The following CCDC60 variants were observed in gnomAD, a reference collection of about 807,000 sequenced individuals.
CCDC60 encodes the protein coiled-coil domain-containing protein 60.
CCDC60 carries 54 observed loss-of-function variants against 63.5 expected under a neutral mutation model. The observed-to-expected ratio is 0.85, with a 90% CI of 0.68 to 1.07. The LOEUF is 1.07. Ranked by LOEUF, CCDC60 falls within the 50% of genes least tolerant of loss-of-function variation. The pLI is 0.00. For missense variants in CCDC60, 651 were observed against 684.3 expected, an observed-to-expected ratio of 0.95 and a Z score of 0.54; for synonymous variants, 206 against 238.8, an observed-to-expected ratio of 0.86 and a Z score of 1.27.
In CCDC60 at chr12:119,522,994, TC is replaced by T. The variant is rs1289554157; in HGVS notation, c.1097del (p.Ser366LeufsTer21). The T allele has an allele frequency of 6.2e-7, 1 of 1,613,748 alleles. No individual in the cohort carries two copies. Among genetic ancestry groups the T allele is most frequent in the South Asian group, 1.1e-5 (1 of 91,048 alleles). Reference sequence around the variant, plus strand: ...CCACATCCAACCAGTCCAGAAGAAGTCTAAAAAGTAAGCCAGGAGGGCAATG... The same window carrying T: ...CCACATCCAACCAGTCCAGAAGAAGTTAAAAAGTAAGCCAGGAGGGCAATG... ...ESHIQPVQKKSKNRTNCDINI... is the reference protein window; with the variant it reads ...ESHIQPVQKKXKNRTNCDINI... On this transcript the variant is annotated frameshift_variant, in exon 10 of 14. Coordinates refer to ENST00000327554, the MANE Select transcript of CCDC60 (RefSeq NM_178499.5). LOFTEE classifies it high-confidence loss of function.
chr12:119,463,363 C>T (rs1210023784), intron 2 of CCDC60, among the ~76,000 whole-genome samples: 2 of 152,260 alleles, frequency 1.3e-5, no homozygotes, highest in Non-Finnish European at 2.9e-5. Flanking sequence ...CATCCAGAAA[C>T]ATCCTGACCA....
intron 1 of CCDC60, among the ~76,000 whole-genome samples, chr12:119,352,565 A>G (rs1185315056): frequency 1.3e-5 from 2 of 152,186 alleles, no homozygotes; most frequent in African/African-American, 2.4e-5. Context: ...AAAAGTCTCA[A>G]TATTTCCCTC....
intron 3 of CCDC60, among the ~76,000 whole-genome samples, chr12:119,476,145 A>C (rs185832632): frequency 6.6e-6 from 1 of 152,158 alleles, no homozygotes; most frequent in Non-Finnish European, 1.5e-5. Flanking sequence ...CAAACTATGC[A>C]GGGAAAAAAA....
chr12:119,504,599 CA>C, intron 6 of CCDC60, among the ~76,000 whole-genome samples: 1 of 152,248 alleles, frequency 6.6e-6, no homozygotes, highest in East Asian at 1.9e-4. Flanking sequence ...CTTTGAGGCC[CA>C]GGTGTCAACT....
At chr12:119,394,632 C>T (rs1593020123) in intron 1 of CCDC60, among the ~76,000 whole-genome samples, 1 of 152,330 alleles carries the variant, frequency 6.6e-6, no homozygotes, top group African/African-American at 2.4e-5. Flanking sequence ...ACCATATGGG[C>T]AACTGGTCTC....
At position 119,523,695 on chromosome 12, in the gene CCDC60, G is replaced by A. The variant is rs373413433; in HGVS notation, c.1106G>A (p.Arg369His). The A allele has an allele frequency of 2.5e-5, 40 of 1,613,694 alleles. No homozygotes were observed. The highest frequency in any genetic ancestry group is 1.6e-4 in the Middle Eastern group (1 of 6,068). Residue 369 changes from arginine to histidine, a missense_variant and splice_region_variant, in exon 11 of 14, where the codon CGC becomes CAC. Transcript: ENST00000327554. ...GCCCTTCTTATCTGTGTCCACAGCC[G>A]CACTAATTGTGACATCAACATCCAC... ...IQPVQKKSKNRTNCDINIHYK... is the reference protein window; with the variant it reads ...IQPVQKKSKNHTNCDINIHYK...
At chr12:119,520,328 C>G in intron 9 of CCDC60, 136 bp downstream of exon 9, 1 of 693,464 alleles carries the variant, frequency 1.4e-6, no homozygotes, top group Non-Finnish European at 2.4e-6. Context: ...TATGACCTCA[C>G]TAGAAACAAG....
rs569025014 is a variant in CCDC60, at chr12:119,455,638, G to A, written c.171-16356G>A. 8.7e-4 allele frequency among the ~76,000 whole-genome samples: 133 copies of A among 152,036 alleles called. 1 individual carries two copies. Among genetic ancestry groups the A allele is most frequent in the African/African-American group, 3.1e-3 (127 of 41,482 alleles). On this transcript the variant is annotated intron_variant, in intron 2 of 13. Coordinates refer to ENST00000327554, the MANE Select transcript of CCDC60 (RefSeq NM_178499.5). ...AAATTTTTGGGAGGCCAAGGAAGGA[G>A]GATCACTTGAGCTCAGGAGTTTGAG...
At chr12:119,450,041 C>T (rs934785914) in intron 2 of CCDC60, among the ~76,000 whole-genome samples, 1 of 152,102 alleles carries the variant, frequency 6.6e-6, no homozygotes, top group Non-Finnish European at 1.5e-5. Flanking sequence ...TGTCCATCAA[C>T]AGATGATTGG....
chr12:119,369,074 T>C (rs577759293), intron 1 of CCDC60, among the ~76,000 whole-genome samples: 2 of 152,204 alleles, frequency 1.3e-5, no homozygotes, highest in African/African-American at 4.8e-5. Context: ...TCTCAGCTGG[T>C]AGAACTCAAG....
rs1953137534 is a variant in CCDC60 at position 119,540,669 on chromosome 12, A to T, written c.1607A>T (p.Gln536Leu). The change falls in exon 14 of 14, where the codon CAG (glutamine) becomes CTG (leucine). Residue 536 changes from glutamine (Q) to leucine (L), a missense_variant. Transcript: ENST00000327554. ...CAAGAGGATTACATCAGCTGGCTGC[A>T]GAGCCGGATCAACATACCCATTGGG... ...MPQEDYISWLQSRINIPIGPY... is the reference protein window; with the variant it reads ...MPQEDYISWLLSRINIPIGPY... The T allele has an allele frequency of 6.2e-7, 1 of 1,613,980 alleles. No homozygotes were observed. Among genetic ancestry groups the T allele is most frequent in the Non-Finnish European group, 8.5e-7 (1 of 1,180,024 alleles).
intron 1 of CCDC60, among the ~76,000 whole-genome samples, chr12:119,386,622 A>G (rs1387462610): frequency 6.6e-6 from 1 of 152,210 alleles, no homozygotes; most frequent in Non-Finnish European, 1.5e-5. Context: ...CATAATGACC[A>G]GGTGGCAGCA....
At chr12:119,352,967 AT>A (rs759853014) in intron 1 of CCDC60, among the ~76,000 whole-genome samples, 78 of 149,918 alleles carry the variant, frequency 5.2e-4, no homozygotes, top group Non-Finnish European at 9.9e-4. Flanking sequence ...TTAAAAAAAA[AT>A]AAATAAATTC....
chr12:119,364,474 T>C (rs937077297), intron 1 of CCDC60, among the ~76,000 whole-genome samples: 1 of 152,212 alleles, frequency 6.6e-6, no homozygotes, highest in African/African-American at 2.4e-5. Context: ...ATAAATTGAA[T>C]CACATAGTAT....
chr12:119,507,097 T>C (rs1229557420), intron 7 of CCDC60, among the ~76,000 whole-genome samples: 2 of 152,052 alleles, frequency 1.3e-5, no homozygotes, highest in African/African-American at 4.8e-5. Context: ...CTGGAATGCC[T>C]GTGGCAGCCG....
chr12:119,397,206 A>G (rs1391786230), intron 1 of CCDC60, among the ~76,000 whole-genome samples: 1 of 152,190 alleles, frequency 6.6e-6, no homozygotes, highest in Non-Finnish European at 1.5e-5. Flanking sequence ...CCAAAGAGTG[A>G]GCAGCAGCAA....
chr12:119,348,550 GA>G (rs1056882370), intron 1 of CCDC60, among the ~76,000 whole-genome samples: 2 of 152,176 alleles, frequency 1.3e-5, no homozygotes, highest in Admixed American at 6.5e-5. Flanking sequence ...CCTGCTCTGT[GA>G]CCTTACACTA....
intron 3 of CCDC60, among the ~76,000 whole-genome samples, chr12:119,474,400 T>C (rs1226479774): frequency 6.6e-6 from 1 of 152,332 alleles, no homozygotes; most frequent in African/African-American, 2.4e-5. Context: ...TTACAGAATG[T>C]GAATATGTGC....
At chr12:119,527,660 TTCTTTC>T (rs1483542162) in intron 11 of CCDC60, among the ~76,000 whole-genome samples, 12 of 122,092 alleles carry the variant, frequency 9.8e-5, no homozygotes, top group Non-Finnish European at 1.3e-4. Flanking sequence ...CTTTCTTTCT[TTCTTTC>T]TTTTTTTTTT....
Sources: gnomAD v4.1 joint callset for allele counts (sites outside exome capture counted in the v4.1 genomes callset) on GRCh38, gnomAD v4.1.1 for gene constraint, MANE v1.5 for transcripts, NCBI Gene and HGNC (gene_info 2026-07-23, HGNC 2026-07-21) for gene names.